Variants in TP63 observed in about 807,000 individuals in gnomAD.
TP63 encodes tumor protein 63.
Under a neutral mutation model 82.8 loss-of-function variants are expected in TP63, and 17 were observed. The observed-to-expected ratio is 0.21, with a 90% confidence interval of 0.14 to 0.31. TP63 has a LOEUF of 0.31. Ranked by LOEUF, TP63 falls within the 10% of genes least tolerant of loss-of-function variation. The pLI, the probability that TP63 is intolerant of heterozygous loss-of-function variation, is 1.00. For missense variants in TP63, 648 were observed against 895.3 expected (o/e 0.72, Z 3.52); for synonymous variants, 330 against 321.7 (o/e 1.03, Z -0.28).
At chr3:189,701,910 TTTC>T (rs1717842710) in intron 1 of TP63, among the ~76,000 whole-genome samples, 1 of 152,186 alleles carries the variant, frequency 6.6e-6, no homozygotes, top group East Asian at 1.9e-4. Context: ...TTTCTTTCTT[TTTC>T]TTCTTTTTCC....
intron 1 of TP63, among the ~76,000 whole-genome samples, chr3:189,695,786 A>T (rs1366796904): frequency 1.3e-5 from 2 of 152,178 alleles, no homozygotes; most frequent in Non-Finnish European, 1.5e-5. Flanking sequence ...GTTTTATCAC[A>T]GTGTACATAT....
chr3:189,802,988 A>G (rs1395293455), intron 3 of TP63, among the ~76,000 whole-genome samples: 1 of 152,130 alleles, frequency 6.6e-6, no homozygotes, highest in African/African-American at 2.4e-5. Context: ...GTAATATCTG[A>G]AAAAGGGGAC....
intron 1 of TP63, among the ~76,000 whole-genome samples, chr3:189,655,905 A>G (rs1713311350): frequency 6.6e-6 from 1 of 152,172 alleles, no homozygotes; most frequent in African/African-American, 2.4e-5. Flanking sequence ...TGAAATATAC[A>G]CAGAATTTTT....
chr3:189,687,099 G>A (rs536881536), intron 1 of TP63, among the ~76,000 whole-genome samples: 2 of 152,080 alleles, frequency 1.3e-5, no homozygotes, highest in East Asian at 3.9e-4. Flanking sequence ...TTGAAAATTA[G>A]CACTCTAGAT....
intron 4 of TP63, among the ~76,000 whole-genome samples, chr3:189,821,746 C>CA (rs1373318196): frequency 2.6e-5 from 4 of 152,060 alleles, no homozygotes; most frequent in Non-Finnish European, 5.9e-5. Context: ...ACTTCAGAAA[C>CA]AAAAAATGCA....
At chr3:189,769,721 T>C (rs1723196535) in intron 3 of TP63, among the ~76,000 whole-genome samples, 1 of 152,190 alleles carries the variant, frequency 6.6e-6, no homozygotes, top group Non-Finnish European at 1.5e-5. Flanking sequence ...TGTTTCTAAG[T>C]AGCCATTGTA....
intron 3 of TP63, among the ~76,000 whole-genome samples, chr3:189,800,046 C>A (rs1726122117): frequency 6.6e-6 from 1 of 151,936 alleles, no homozygotes; most frequent in African/African-American, 2.4e-5. Context: ...TAGTTAATTT[C>A]TATTATGATT....
chr3:189,842,241 C>A (rs569787497), intron 4 of TP63, among the ~76,000 whole-genome samples: 1 of 151,648 alleles, frequency 6.6e-6, no homozygotes, highest in Non-Finnish European at 1.5e-5. Flanking sequence ...AGAGAGAGAG[C>A]GCGTGTATGT....
chr3:189,812,176 C>T (rs987143219), intron 4 of TP63, among the ~76,000 whole-genome samples: 2 of 151,992 alleles, frequency 1.3e-5, no homozygotes, highest in African/African-American at 4.8e-5. Context: ...TCTGGTTTTA[C>T]CCTCAGGATT....
At chr3:189,655,499 G>T (rs540115340) in intron 1 of TP63, among the ~76,000 whole-genome samples, 1 of 152,272 alleles carries the variant, frequency 6.6e-6, no homozygotes, top group Admixed American at 6.5e-5. Flanking sequence ...GCACATGCCT[G>T]TAGTCCCAGC....
chr3:189,887,683 A>G (rs946058496), intron 11 of TP63, among the ~76,000 whole-genome samples: 1 of 152,164 alleles, frequency 6.6e-6, no homozygotes, highest in Non-Finnish European at 1.5e-5. Flanking sequence ...TTGCATGGGT[A>G]TCATATAATC....
chr3:189,600,802 A>T, the TP63 span, among the ~76,000 whole-genome samples: 1 of 152,218 alleles, frequency 6.6e-6, no homozygotes, highest in Non-Finnish European at 1.5e-5. Flanking sequence ...GAACCTTGTG[A>T]TTATATATTT....
chr3:189,893,649 A>C (rs1721241223), intron 13 of TP63, among the ~76,000 whole-genome samples: 1 of 152,066 alleles, frequency 6.6e-6, no homozygotes, highest in South Asian at 2.1e-4. Context: ...TAATTTTTTC[A>C]CTTAGTTATG....
chr3:189,882,711 A>G (rs1265251805), intron 10 of TP63, among the ~76,000 whole-genome samples: 1 of 152,166 alleles, frequency 6.6e-6, no homozygotes, highest in Non-Finnish European at 1.5e-5. Context: ...TCTGCGCAGG[A>G]ATTTTGATAT....
At chr3:189,814,380 T>C (rs1727930358) in intron 4 of TP63, among the ~76,000 whole-genome samples, 1 of 152,228 alleles carries the variant, frequency 6.6e-6, no homozygotes, top group East Asian at 1.9e-4. Context: ...CTTGATCTAA[T>C]CTTACAATTC....
rs146612909 is a variant in TP63 at position 189,651,027 on chromosome 3, A to G, written c.62+19450A>G. Among the ~76,000 whole-genome samples, 360 of 147,392 alleles carry G rather than the reference A, an allele frequency of 2.4e-3. 31 individuals carry two copies. Among genetic ancestry groups the G allele is most frequent in the Middle Eastern group, 7.0e-3 (2 of 286 alleles). ...AGTCCAGGCTGAGGTGGTCTTAGAT[A>G]GAGATGAGGAACTTGTTAGGAACTG... On this transcript the variant is annotated intron_variant, in intron 1 of 13. Transcript: ENST00000264731.
chr3:189,746,846 A>G (rs1031894196), intron 3 of TP63, among the ~76,000 whole-genome samples: 4 of 151,034 alleles, frequency 2.6e-5, no homozygotes, highest in African/African-American at 9.7e-5. Context: ...TATGAAACTC[A>G]TCTCGCCTGG....
chr3:189,782,026 G>A (rs1560179447), intron 3 of TP63, among the ~76,000 whole-genome samples: 1 of 152,178 alleles, frequency 6.6e-6, no homozygotes, highest in Non-Finnish European at 1.5e-5. Context: ...CAGGGGAAGT[G>A]TCTTGCTTCA....
intron 3 of TP63, among the ~76,000 whole-genome samples, chr3:189,744,996 G>C (rs1721262498): frequency 6.6e-6 from 1 of 152,204 alleles, no homozygotes; most frequent in Non-Finnish European, 1.5e-5. Flanking sequence ...GGAAATCATA[G>C]ACACCGCTGA....
Sources: gnomAD v4.1 joint callset for allele counts (sites outside exome capture counted in the v4.1 genomes callset) on GRCh38, gnomAD v4.1.1 for gene constraint, MANE v1.5 for transcripts, NCBI Gene and HGNC (gene_info 2026-07-23, HGNC 2026-07-21) for gene names.